The following CMSS1 variants were observed in gnomAD, a reference collection of about 807,000 sequenced individuals.
CMSS1 encodes protein CMSS1.
A neutral mutation model predicts 43.5 loss-of-function variants in CMSS1; 33 were observed. The observed-to-expected ratio is 0.76, with a 90% CI of 0.57 to 1.01. The LOEUF is 1.01. CMSS1 is among the 50% of genes least tolerant of loss of function. CMSS1 has a pLI of 0.00. For missense variants in CMSS1, 313 were observed against 326.4 expected, an observed-to-expected ratio of 0.96 and a Z score of 0.32; for synonymous variants, 115 against 117.2, an observed-to-expected ratio of 0.98 and a Z score of 0.12.
At chr3:100,157,997 G>T (rs1314017967) in intron 2 of CMSS1, among the ~76,000 whole-genome samples, 2 of 152,120 alleles carry the variant, frequency 1.3e-5, no homozygotes, top group Admixed American at 1.3e-4. Flanking sequence ...CCAGCTGCTA[G>T]CTTTCTCTCT....
chr3:99,907,508 A>G (rs1246112489), intron 1 of CMSS1, among the ~76,000 whole-genome samples: 4 of 152,120 alleles, frequency 2.6e-5, no homozygotes, highest in Non-Finnish European at 5.9e-5. Context: ...CGGCCTCCCA[A>G]AGTGCTGGGA....
chr3:100,072,107 C>T (rs1559747876), intron 1 of CMSS1, among the ~76,000 whole-genome samples: 4 of 152,134 alleles, frequency 2.6e-5, no homozygotes, highest in Admixed American at 6.5e-5. Flanking sequence ...GGACTCATCA[C>T]CCACTTGAGC....
intron 1 of CMSS1, among the ~76,000 whole-genome samples, chr3:100,064,150 A>C (rs1024699009): frequency 2.0e-5 from 3 of 152,298 alleles, no homozygotes; most frequent in Non-Finnish European, 2.9e-5. Context: ...TCTGCTGTAA[A>C]CCTTCAAGGG....
At chr3:99,828,009 G>A (rs1442111018) in intron 1 of CMSS1, among the ~76,000 whole-genome samples, 1 of 152,200 alleles carries the variant, frequency 6.6e-6, no homozygotes, top group Non-Finnish European at 1.5e-5. Flanking sequence ...GAAGTCTCCT[G>A]ACATGGGAGA....
chr3:99,872,297 G>GTGTC (rs1205248493), intron 1 of CMSS1, among the ~76,000 whole-genome samples: 2 of 151,300 alleles, frequency 1.3e-5, no homozygotes, highest in Non-Finnish European at 3.0e-5. Flanking sequence ...GTGTGTGTGT[G>GTGTC]TGTGTGTGTG....
intron 1 of CMSS1, among the ~76,000 whole-genome samples, chr3:100,018,481 A>G (rs1289480670): frequency 6.6e-6 from 1 of 152,174 alleles, no homozygotes; most frequent in Non-Finnish European, 1.5e-5. Context: ...TGTGTTGTCA[A>G]AAATGGAAAT....
intron 1 of CMSS1, among the ~76,000 whole-genome samples, chr3:99,967,957 G>A (rs142331960): frequency 6.6e-6 from 1 of 152,308 alleles, no homozygotes; most frequent in East Asian, 1.9e-4. Context: ...AAGCATCACA[G>A]TACTTCAGCA....
chr3:100,051,749 C>G (rs904804883), intron 1 of CMSS1, among the ~76,000 whole-genome samples: 1 of 151,394 alleles, frequency 6.6e-6, no homozygotes, highest in Non-Finnish European at 1.5e-5. Flanking sequence ...TTAATCTAGT[C>G]GATCATTGTT....
At chr3:100,116,570 G>A (rs370563953) in intron 1 of CMSS1, among the ~76,000 whole-genome samples, 12 of 152,256 alleles carry the variant, frequency 7.9e-5, no homozygotes, top group African/African-American at 2.2e-4. Flanking sequence ...TGGGGATTGC[G>A]TGAGCTCATT....
At chr3:100,054,709 C>T (rs142237773) in intron 1 of CMSS1, among the ~76,000 whole-genome samples, 33 of 152,230 alleles carry the variant, frequency 2.2e-4, no homozygotes, top group African/African-American at 7.7e-4. Context: ...TCCCTCTGGG[C>T]TGCACTGTCT....
At chr3:100,136,995 A>G (rs572122539) in intron 1 of CMSS1, among the ~76,000 whole-genome samples, 22 of 152,206 alleles carry the variant, frequency 1.4e-4, no homozygotes, top group African/African-American at 4.6e-4. Context: ...TCCCTTCCCT[A>G]TGATCTGTGT....
At chr3:99,933,977 T>C (rs1332964162) in intron 1 of CMSS1, among the ~76,000 whole-genome samples, 1 of 152,212 alleles carries the variant, frequency 6.6e-6, no homozygotes, top group Non-Finnish European at 1.5e-5. Context: ...CTTACAGCTA[T>C]TCTGGGCCTG....
intron 1 of CMSS1, among the ~76,000 whole-genome samples, chr3:99,834,935 G>A (rs1487504133): frequency 2.0e-5 from 3 of 152,324 alleles, no homozygotes; most frequent in African/African-American, 7.2e-5. Flanking sequence ...TTGGGGAGTA[G>A]AGATATTGTG....
intron 1 of CMSS1, among the ~76,000 whole-genome samples, chr3:99,856,779 CATATA>C (rs1367080104): frequency 1.7e-4 from 26 of 152,276 alleles, no homozygotes; most frequent in Non-Finnish European, 7.4e-5. Flanking sequence ...TTTGCAGACA[CATATA>C]ATATATGTCA....
At chr3:99,948,455 G>A (rs1576593956) in intron 1 of CMSS1, among the ~76,000 whole-genome samples, 1 of 148,090 alleles carries the variant, frequency 6.8e-6, no homozygotes, top group South Asian at 2.3e-4. Context: ...GAAGGATCAG[G>A]ATCACCTAAG....
At chr3:99,997,400 A>G (rs1709714890) in intron 1 of CMSS1, among the ~76,000 whole-genome samples, 1 of 152,226 alleles carries the variant, frequency 6.6e-6, no homozygotes, top group South Asian at 2.1e-4. Flanking sequence ...TCACAAGTGT[A>G]TTATTGGGAA....
intron 1 of CMSS1, among the ~76,000 whole-genome samples, chr3:99,896,955 C>T (rs1435633105): frequency 2.6e-5 from 4 of 152,196 alleles, no homozygotes; most frequent in South Asian, 4.1e-4. Context: ...TATTTTCAGT[C>T]GCAAAATTTA....
chr3:100,140,736 C>T (rs1238725449), intron 1 of CMSS1, among the ~76,000 whole-genome samples: 1 of 151,930 alleles, frequency 6.6e-6, no homozygotes, highest in African/African-American at 2.4e-5. Context: ...GAGGCCTGAG[C>T]TTATGCAATT....
intron 1 of CMSS1, among the ~76,000 whole-genome samples, chr3:100,118,514 A>T (rs114302695): frequency 6.6e-6 from 1 of 152,144 alleles, no homozygotes; most frequent in Non-Finnish European, 1.5e-5. Flanking sequence ...TAACTTTATG[A>T]AACTAGCCAT....
Sources: allele counts gnomAD v4.1 joint callset (sites outside exome capture counted in the v4.1 genomes callset), GRCh38; gene constraint gnomAD v4.1.1; transcripts MANE v1.5; gene names NCBI Gene and HGNC (gene_info 2026-07-23, HGNC 2026-07-21).